Variants in NEK6 observed in about 807,000 individuals in gnomAD.
NEK6 encodes the protein NIMA related kinase 6.
In NEK6, 27 loss-of-function variants were observed where a neutral mutation model predicts 43.5. The ratio of observed to expected loss-of-function variants is 0.62; its 90% CI spans 0.46 to 0.86. The LOEUF (loss-of-function observed/expected upper bound fraction) is 0.86. Among genes scored for constraint, NEK6 ranks in the 40% least tolerant of loss-of-function variants. The pLI, the probability that NEK6 is intolerant of heterozygous loss-of-function variation, is 0.00. For missense variants in NEK6, 318 were observed against 414.4 expected, an observed-to-expected ratio of 0.77 and a Z score of 2.02; for synonymous variants, 167 against 164.1, an observed-to-expected ratio of 1.02 and a Z score of -0.14.
intron 2 of NEK6, among the ~76,000 whole-genome samples, chr9:124,311,120 T>C (rs2130853185): frequency 6.6e-6 from 1 of 152,246 alleles, no homozygotes; most frequent in Non-Finnish European, 1.5e-5. Flanking sequence ...GGCCAGCAGT[T>C]CCTGGTGTTT....
chr9:124,257,838 G>A (rs1055284601), upstream of NEK6: 7 of 1,119,286 alleles, frequency 6.3e-6, no homozygotes, highest in African/African-American at 1.6e-5. Context: ...GGACGCCGCC[G>A]GGGCGCCCCC....
chr9:124,258,816 G>T (rs1445323995), intron 1 of NEK6, among the ~76,000 whole-genome samples: 3 of 152,268 alleles, frequency 2.0e-5, no homozygotes, highest in Admixed American at 2.0e-4. Flanking sequence ...CTGCGGCAGG[G>T]CCACTGGCAG....
rs570992221 is a variant in NEK6, at chr9:124,295,463, A to AGCTCTGG, written c.-29-6470_-29-6464dup. 1.8e-4 allele frequency among the ~76,000 whole-genome samples: 28 copies of AGCTCTGG among 152,354 alleles called. No homozygotes were observed. The East Asian group carries it at 4.8e-3, about 26-fold the overall frequency. ...GGAAGGGCCCAGCAGCCAGAGCCAC[A>AGCTCTGG]GCTCTGGGCCAGTATTCATTCAGTC... is the stretch of plus-strand genomic sequence containing the variant. On this transcript the variant is annotated intron_variant, in intron 1 of 9. Transcript: ENST00000320246.
chr9:124,322,038 CT>C (rs1834093219), intron 5 of NEK6, among the ~76,000 whole-genome samples: 1 of 152,208 alleles, frequency 6.6e-6, no homozygotes, highest in African/African-American at 2.4e-5. Context: ...GATCCACTAC[CT>C]CATTTTAAAG....
chr9:124,299,746 G>A (rs1832861958), intron 1 of NEK6, among the ~76,000 whole-genome samples: 1 of 152,136 alleles, frequency 6.6e-6, no homozygotes, highest in East Asian at 1.9e-4. Flanking sequence ...TGCTCTGTGT[G>A]CACAGACTAA....
chr9:124,298,582 A>G (rs955464668), intron 1 of NEK6, among the ~76,000 whole-genome samples: 5 of 152,016 alleles, frequency 3.3e-5, no homozygotes, highest in Non-Finnish European at 1.5e-5. Context: ...CACAGGCCCC[A>G]TTCTCAAGTG....
At chr9:124,269,377 CTT>C (rs931822333) in intron 1 of NEK6, among the ~76,000 whole-genome samples, 1 of 144,658 alleles carries the variant, frequency 6.9e-6, no homozygotes, top group Non-Finnish European at 1.5e-5. Flanking sequence ...GCTAACTGGA[CTT>C]TTTTTTTTTT....
intron 4 of NEK6, among the ~76,000 whole-genome samples, chr9:124,316,853 G>A (rs1833839985): frequency 6.6e-6 from 1 of 152,172 alleles, no homozygotes; most frequent in African/African-American, 2.4e-5. Context: ...AGGAACCAGC[G>A]CCTCCTTGAT....
chr9:124,345,608 T>G (rs1829879098), intron 8 of NEK6, among the ~76,000 whole-genome samples: 1 of 152,180 alleles, frequency 6.6e-6, no homozygotes, highest in Non-Finnish European at 1.5e-5. Context: ...CAAATGGGCA[T>G]GATCTGAAGT....
chr9:124,321,024 G>T (rs1834038201), intron 4 of NEK6, among the ~76,000 whole-genome samples: 1 of 152,196 alleles, frequency 6.6e-6, no homozygotes, highest in Non-Finnish European at 1.5e-5. Flanking sequence ...CTTCTGAGGA[G>T]CACCTGCAGG....
chr9:124,347,941 A>G (rs1830033954), intron 9 of NEK6, 119 bp downstream of exon 9: 2 of 596,704 alleles, frequency 3.4e-6, no homozygotes, highest in Non-Finnish European at 6.0e-6. Context: ...ACGGTGCAGA[A>G]AGGGAGCTTT....
At chr9:124,307,539 C>T (rs910847952) in intron 2 of NEK6, among the ~76,000 whole-genome samples, 7 of 152,342 alleles carry the variant, frequency 4.6e-5, no homozygotes, top group Admixed American at 1.3e-4. Context: ...CTCGTGCCCA[C>T]GGTGACAGGC....
chr9:124,310,129 A>G (rs528074487), intron 2 of NEK6, among the ~76,000 whole-genome samples: 1 of 152,202 alleles, frequency 6.6e-6, no homozygotes, highest in Non-Finnish European at 1.5e-5. Context: ...TGGGCACCAC[A>G]GTCCCCAGTC....
chr9:124,341,838 G>C (rs1829650591), intron 8 of NEK6, among the ~76,000 whole-genome samples: 1 of 152,214 alleles, frequency 6.6e-6, no homozygotes, highest in Admixed American at 6.5e-5. Flanking sequence ...ACTCTTCTGA[G>C]ACAGGAGGAA....
chr9:124,348,769 G>A (rs1358160860), intron 9 of NEK6, among the ~76,000 whole-genome samples: 3 of 152,162 alleles, frequency 2.0e-5, no homozygotes, highest in Non-Finnish European at 4.4e-5. Context: ...TGGGGCCTCC[G>A]TGGGCCCACC....
intron 1 of NEK6, among the ~76,000 whole-genome samples, chr9:124,268,111 A>G (rs1483823705): frequency 6.6e-6 from 1 of 152,210 alleles, no homozygotes; most frequent in Non-Finnish European, 1.5e-5. Flanking sequence ...ACATATGGTC[A>G]CTGTGATGTG....
chr9:124,327,290 ACCC>A, intron 6 of NEK6, 45 bp from the exon 7 acceptor site: 2 of 1,516,038 alleles, frequency 1.3e-6, no homozygotes, highest in Non-Finnish European at 1.8e-6. Context: ...TGCCCCACCT[ACCC>A]CAAGCCTCCT....
intron 7 of NEK6, among the ~76,000 whole-genome samples, chr9:124,327,889 A>G (rs1828742970): frequency 6.6e-6 from 1 of 152,162 alleles, no homozygotes; most frequent in African/African-American, 2.4e-5. Context: ...AGGAGGTGAC[A>G]TTGTAGCTGG....
rs1828968726 is a variant in NEK6, at chr9:124,331,198, G to A, written c.622+3753G>A. On this transcript the variant is annotated intron_variant, in intron 7 of 9. Transcript: ENST00000320246. ...GGAGAATTGCTTGAACCCGGCAGGT[G>A]AAGGTTGCAGTCAGCTGAGATGGCG... Among the ~76,000 whole-genome samples the A allele has an allele frequency of 2.1e-5, 3 of 145,416 alleles. No individual in the cohort carries two copies. In the South Asian group the frequency reaches 6.9e-4, roughly 33 times the overall value.
Sources: allele counts gnomAD v4.1 joint callset (sites outside exome capture counted in the v4.1 genomes callset), GRCh38; gene constraint gnomAD v4.1.1; transcripts MANE v1.5; gene names NCBI Gene and HGNC (gene_info 2026-07-23, HGNC 2026-07-21).